Variants in ACOT12 observed in about 807,000 individuals in gnomAD.
ACOT12 encodes acyl-CoA thioesterase 12, also known as acetyl-coenzyme A thioesterase.
Under a neutral mutation model 67.7 loss-of-function variants are expected in ACOT12, and 51 were observed. That is an observed-to-expected ratio of 0.75 (90% CI 0.60 to 0.95). The LOEUF (loss-of-function observed/expected upper bound fraction) is 0.95. Among genes scored for constraint, ACOT12 ranks in the 40% least tolerant of loss-of-function variants. The pLI, the probability that ACOT12 is intolerant of heterozygous loss-of-function variation, is 0.00. For missense variants in ACOT12, 734 were observed against 708.1 expected, an observed-to-expected ratio of 1.04 and a Z score of -0.41; for synonymous variants, 251 against 244.6, an observed-to-expected ratio of 1.03 and a Z score of -0.24.
chr5:81,367,786 T>TA (rs1760127198), intron 3 of ACOT12, among the ~76,000 whole-genome samples: 2 of 151,714 alleles, frequency 1.3e-5, no homozygotes, highest in Non-Finnish European at 2.9e-5. Context: ...TTAGAATAAA[T>TA]AAAAAAATAG....
chr5:81,344,830 T>A, intron 8 of ACOT12, 61 bp downstream of exon 8: 2 of 1,585,542 alleles, frequency 1.3e-6, no homozygotes, highest in South Asian at 2.2e-5. Flanking sequence ...TGGGAGGAGA[T>A]TCTAGGTAGA....
intron 7 of ACOT12, among the ~76,000 whole-genome samples, chr5:81,345,663 CG>C (rs1364253080): frequency 6.6e-6 from 1 of 151,824 alleles, no homozygotes; most frequent in Admixed American, 6.6e-5. Flanking sequence ...TTGGGACATA[CG>C]GCTACCCTTA....
At chr5:81,360,247 A>G (rs1026460108) in intron 4 of ACOT12, among the ~76,000 whole-genome samples, 1 of 152,224 alleles carries the variant, frequency 6.6e-6, no homozygotes, top group Non-Finnish European at 1.5e-5. Flanking sequence ...TTATTTCTTC[A>G]TGCAATAAGA....
At chr5:81,323,836 G>A in the ACOT12 span, among the ~76,000 whole-genome samples, 1 of 142,794 alleles carries the variant, frequency 7.0e-6, no homozygotes, top group Non-Finnish European at 1.5e-5. Flanking sequence ...AAATATATAT[G>A]TATATGTATA....
chr5:81,357,291 AC>A (rs1316277747), intron 5 of ACOT12, among the ~76,000 whole-genome samples: 1 of 152,186 alleles, frequency 6.6e-6, no homozygotes, highest in Non-Finnish European at 1.5e-5. Flanking sequence ...TGTCTCCAGC[AC>A]TAAACTACAA....
At chr5:81,391,127 G>C (rs1760853709) in intron 1 of ACOT12, among the ~76,000 whole-genome samples, 1 of 152,212 alleles carries the variant, frequency 6.6e-6, no homozygotes, top group Admixed American at 6.5e-5. Flanking sequence ...CCTCAACCAG[G>C]AGGTTTGGAG....
downstream of ACOT12, among the ~76,000 whole-genome samples, chr5:81,327,207 T>G (rs963752280): frequency 6.9e-6 from 1 of 144,958 alleles, no homozygotes; most frequent in Non-Finnish European, 1.5e-5. Flanking sequence ...ATAATATATA[T>G]ACACACACAC....
chr5:81,347,987 C>G (rs1174905275), intron 5 of ACOT12, 57 bp from the exon 6 acceptor site: 11 of 1,544,250 alleles, frequency 7.1e-6, no homozygotes, highest in Admixed American at 2.0e-5. Flanking sequence ...CCCTGGGGCT[C>G]CAGCTTTTCC....
intron 2 of ACOT12, among the ~76,000 whole-genome samples, chr5:81,377,732 C>T (rs962619168): frequency 2.0e-5 from 3 of 152,178 alleles, no homozygotes; most frequent in Admixed American, 6.5e-5. Context: ...AACTCCCATT[C>T]ACCATTGCTT....
At chr5:81,377,998 A>G (rs1219230568) in intron 2 of ACOT12, among the ~76,000 whole-genome samples, 2 of 152,224 alleles carry the variant, frequency 1.3e-5, no homozygotes, top group African/African-American at 2.4e-5. Context: ...TAAATTTTAT[A>G]TGGAACCAAA....
At chr5:81,391,803 G>T (rs570844365) in intron 1 of ACOT12, among the ~76,000 whole-genome samples, 1 of 152,214 alleles carries the variant, frequency 6.6e-6, no homozygotes, top group South Asian at 2.1e-4. Flanking sequence ...ACTCCTTTAG[G>T]GGGTAACACT....
chr5:81,319,356 A>T, the ACOT12 span, among the ~76,000 whole-genome samples: 2 of 152,252 alleles, frequency 1.3e-5, no homozygotes, highest in Non-Finnish European at 2.9e-5. Context: ...CAATGGTTTT[A>T]GTATATTCAC....
chr5:81,350,614 G>A (rs1246681778), intron 5 of ACOT12, among the ~76,000 whole-genome samples: 1 of 152,172 alleles, frequency 6.6e-6, no homozygotes, highest in South Asian at 2.1e-4. Context: ...CAAAGGAGCT[G>A]CATTTGCAGC....
intron 5 of ACOT12, among the ~76,000 whole-genome samples, chr5:81,350,471 G>C (rs1759518335): frequency 2.6e-5 from 4 of 151,994 alleles, no homozygotes; most frequent in Non-Finnish European, 1.5e-5. Context: ...AGACTTTGTG[G>C]GGCCTGGTGT....
At chr5:81,310,157 T>TAAAAAAAAAAAAAAAAAA in the ACOT12 span, among the ~76,000 whole-genome samples, 75 of 104,742 alleles carry the variant, frequency 7.2e-4, 2 homozygotes, top group East Asian at 9.3e-3. Context: ...TGACTAGCTG[T>TAAAAAAAAAAAAAAAAAA]AAAAAAAAAA....
At chr5:81,348,241 T>G (rs1252456414) in intron 5 of ACOT12, among the ~76,000 whole-genome samples, 1 of 152,020 alleles carries the variant, frequency 6.6e-6, no homozygotes, top group Non-Finnish European at 1.5e-5. Flanking sequence ...TGTGGTGGGG[T>G]AGGGACAGAT....
At chr5:81,327,108 GA>G (rs1457021031), downstream of ACOT12, among the ~76,000 whole-genome samples, 1 of 150,560 alleles carries the variant, frequency 6.6e-6, no homozygotes, top group Non-Finnish European at 1.5e-5. Flanking sequence ...GCTTATTTCT[GA>G]AATGTGTAAT....
intron 5 of ACOT12, among the ~76,000 whole-genome samples, chr5:81,356,543 T>G (rs1191485012): frequency 1.3e-5 from 2 of 152,162 alleles, no homozygotes; most frequent in African/African-American, 4.8e-5. Context: ...TCCCCAGCTG[T>G]GGTCTCTTCC....
At chr5:81,335,283 C>A (rs1758960194) in intron 12 of ACOT12, among the ~76,000 whole-genome samples, 1 of 152,182 alleles carries the variant, frequency 6.6e-6, no homozygotes. Flanking sequence ...AGCAGGTCAA[C>A]TCAATATAGA....
Sources: allele counts gnomAD v4.1 joint callset (sites outside exome capture counted in the v4.1 genomes callset), GRCh38; gene constraint gnomAD v4.1.1; transcripts MANE v1.5; gene names NCBI Gene and HGNC (gene_info 2026-07-23, HGNC 2026-07-21).